The following KDM4B variants were observed in gnomAD, a reference collection of about 807,000 sequenced individuals.
KDM4B encodes lysine-specific demethylase 4B.
Under a neutral mutation model 125.2 loss-of-function variants are expected in KDM4B, and 32 were observed. That is an observed-to-expected ratio of 0.26 (90% CI 0.19 to 0.34). The LOEUF is 0.34. KDM4B is among the 10% of genes least tolerant of loss of function. The pLI, the probability that KDM4B is intolerant of heterozygous loss-of-function variation, is 1.00. For synonymous variants in KDM4B, 721 were observed against 677.9 expected, an observed-to-expected ratio of 1.06 and a Z score of -0.99; for missense variants, 1,190 against 1,577.7, an observed-to-expected ratio of 0.75 and a Z score of 4.16.
In KDM4B at chr19:5,152,432, C is replaced by G. The variant is rs1411705390; in HGVS notation, c.*921C>G. On this transcript the variant is annotated 3_prime_UTR_variant, in exon 23 of 23. Transcript: ENST00000159111. ...TTGCAGACAAAGCACCCCTGCACCT[C>G]CTATGGCTCAGGATGAGGGAGGCCC... The G allele has an allele frequency of 6.6e-6, 1 of 152,388 alleles. No individual in the cohort carries two copies. The highest frequency in any genetic ancestry group is 1.5e-5 in the Non-Finnish European group (1 of 68,150). The allele number at this position is 152,388 out of a possible 1,614,324, so 9.4% of individuals were successfully genotyped here. A position where few individuals can be genotyped will look rare whatever the true frequency, so the allele number is the denominator to read the frequency against.
intron 10 of KDM4B, among the ~76,000 whole-genome samples, chr19:5,117,203 C>T (rs1268146515): frequency 6.6e-6 from 1 of 152,100 alleles, no homozygotes; most frequent in Non-Finnish European, 1.5e-5. Context: ...GGCACCAGGA[C>T]AGTTCTGGGG....
chr19:4,975,418 A>G (rs1344482911), intron 1 of KDM4B, among the ~76,000 whole-genome samples: 1 of 152,046 alleles, frequency 6.6e-6, no homozygotes, highest in East Asian at 1.9e-4. Context: ...CTGTACAAAA[A>G]CAGGTGGCGG....
chr19:5,039,447 T>C (rs1272340691), intron 3 of KDM4B, among the ~76,000 whole-genome samples: 1 of 152,008 alleles, frequency 6.6e-6, no homozygotes, highest in African/African-American at 2.4e-5. Flanking sequence ...AGCAAGACCC[T>C]GTCTCAACAA....
At chr19:5,098,753 C>T (rs2038875976) in intron 9 of KDM4B, among the ~76,000 whole-genome samples, 1 of 152,086 alleles carries the variant, frequency 6.6e-6, no homozygotes, top group Non-Finnish European at 1.5e-5. Flanking sequence ...AGAGCTCCCT[C>T]GCCCCCTCCA....
At chr19:5,057,674 G>T (rs1290153619) in intron 6 of KDM4B, among the ~76,000 whole-genome samples, 1 of 152,186 alleles carries the variant, frequency 6.6e-6, no homozygotes, top group Non-Finnish European at 1.5e-5. Context: ...AGATTGAAGA[G>T]ACGTCCGATC....
chr19:5,090,364 T>C (rs6510838), intron 9 of KDM4B, among the ~76,000 whole-genome samples: 108,330 of 123,490 alleles, frequency 0.88, 46,688 homozygotes, highest in African/African-American at 0.92. Flanking sequence ...CTCTCTCTCC[T>C]CATCTCTCTC....
At chr19:4,995,199 C>G (rs2035160413) in intron 1 of KDM4B, among the ~76,000 whole-genome samples, 1 of 152,192 alleles carries the variant, frequency 6.6e-6, no homozygotes, top group African/African-American at 2.4e-5. Context: ...TGTCATCCCT[C>G]TCCTTGTGTT....
intron 1 of KDM4B, among the ~76,000 whole-genome samples, chr19:4,969,883 A>G (rs528006041): frequency 1.3e-5 from 2 of 150,326 alleles, no homozygotes; most frequent in East Asian, 3.9e-4. Context: ...AAGCATATGC[A>G]ATCTGGATTT....
intron 1 of KDM4B, among the ~76,000 whole-genome samples, chr19:5,014,003 C>A (rs1163616915): frequency 6.6e-6 from 1 of 152,246 alleles, no homozygotes; most frequent in Non-Finnish European, 1.5e-5. Flanking sequence ...CCAGGACCTG[C>A]TGTTCCCTTC....
At chr19:5,086,531 T>C (rs2038504088) in intron 9 of KDM4B, among the ~76,000 whole-genome samples, 1 of 151,864 alleles carries the variant, frequency 6.6e-6, no homozygotes, top group African/African-American at 2.4e-5. Context: ...CCCCGCGGAG[T>C]TGAGTAGTTC....
intron 15 of KDM4B, among the ~76,000 whole-genome samples, chr19:5,135,939 T>G (rs564825791): frequency 6.6e-6 from 1 of 152,294 alleles, no homozygotes; most frequent in Non-Finnish European, 1.5e-5. Context: ...GGCACTGGGC[T>G]CATCCCACCC....
In KDM4B at chr19:5,072,847, G is replaced by T. The variant is rs971471883; in HGVS notation, c.676+1788G>T. ...GGCACCAGGGGAGAACCCACTTCCC[G>T]CCTTTTCCAGTGTCTAGAGGCCGCC... is the stretch of plus-strand genomic sequence containing the variant. On this transcript the variant is annotated intron_variant, in intron 7 of 22. Coordinates refer to ENST00000159111, the MANE Select transcript of KDM4B (RefSeq NM_015015.3). Among the ~76,000 whole-genome samples, 18 of 152,228 alleles carry T rather than the reference G, an allele frequency of 1.2e-4. No homozygotes were observed. In the South Asian group the frequency reaches 1.4e-3, roughly 12 times the overall value.
At position 5,006,447 on chromosome 19, in the gene KDM4B, C is replaced by T. The variant is rs578237917; in HGVS notation, c.-108-9810C>T. Reference sequence around the variant, plus strand: ...TCATCTGCCCTGGCTGGGGTTTTATCTCCCTGGCAACTGGAAATGTGTTGG... The same window carrying T: ...TCATCTGCCCTGGCTGGGGTTTTATTTCCCTGGCAACTGGAAATGTGTTGG... On this transcript the variant is annotated intron_variant, in intron 1 of 22. Coordinates refer to ENST00000159111, the MANE Select transcript of KDM4B (RefSeq NM_015015.3). Among the ~76,000 whole-genome samples, 6 of 152,250 alleles carry T rather than the reference C, an allele frequency of 3.9e-5. No individual in the cohort carries two copies. The East Asian group carries it at 1.2e-3, about 29-fold the overall frequency.
intron 9 of KDM4B, among the ~76,000 whole-genome samples, chr19:5,085,112 T>A (rs1274522555): frequency 6.6e-6 from 1 of 152,184 alleles, no homozygotes; most frequent in Non-Finnish European, 1.5e-5. Flanking sequence ...GAGCTAACCT[T>A]TATTTTTCTG....
intron 2 of KDM4B, among the ~76,000 whole-genome samples, chr19:5,021,921 A>G (rs2036134248): frequency 6.6e-6 from 1 of 152,130 alleles, no homozygotes; most frequent in South Asian, 2.1e-4. Context: ...GGCGTGAGCC[A>G]CCATATCCAG....
chr19:5,132,706 C>A (rs1223122549), intron 13 of KDM4B, among the ~76,000 whole-genome samples: 1 of 147,152 alleles, frequency 6.8e-6, no homozygotes, highest in East Asian at 2.0e-4. Flanking sequence ...ATCTCTGGGG[C>A]CTCCGTGGAC....
chr19:5,119,315 A>C (rs2039315308), intron 10 of KDM4B: 1 of 889,014 alleles, frequency 1.1e-6, no homozygotes, highest in African/African-American at 1.7e-5. Context: ...GTCCCGTGGC[A>C]CACGCGGCTC....
chr19:5,005,927 G>A (rs1250013531), intron 1 of KDM4B, among the ~76,000 whole-genome samples: 3 of 152,152 alleles, frequency 2.0e-5, no homozygotes, highest in Non-Finnish European at 4.4e-5. Flanking sequence ...GGAGGTGAGT[G>A]GTGATGCTGG....
At chr19:4,979,026 G>A (rs1048262839) in intron 1 of KDM4B, among the ~76,000 whole-genome samples, 15 of 152,306 alleles carry the variant, frequency 9.8e-5, no homozygotes, top group Non-Finnish European at 2.2e-4. Context: ...CCGGATGGCT[G>A]TAACCCAGCA....
Sources: gnomAD v4.1 joint callset for allele counts (sites outside exome capture counted in the v4.1 genomes callset) on GRCh38, gnomAD v4.1.1 for gene constraint, MANE v1.5 for transcripts, NCBI Gene and HGNC (gene_info 2026-07-23, HGNC 2026-07-21) for gene names.